PCBP3: variants seen among roughly 807,000 people sequenced by gnomAD.
PCBP3 encodes poly(rC) binding protein 3.
In PCBP3, 25 loss-of-function variants were observed where a neutral mutation model predicts 52.7. The observed-to-expected ratio is 0.47, with a 90% CI of 0.35 to 0.66. The LOEUF is 0.66. Ranked by LOEUF, PCBP3 falls within the 30% of genes least tolerant of loss-of-function variation. The probability of loss-of-function intolerance (pLI) is 0.01; values close to 1 mark genes in which losing one functional copy is unlikely to be tolerated. For synonymous variants in PCBP3, 162 were observed against 183.0 expected, an observed-to-expected ratio of 0.89 and a Z score of 0.93; for missense variants, 391 against 490.3, an observed-to-expected ratio of 0.80 and a Z score of 1.91.
rs114643436 is a variant in PCBP3 at position 45,849,963 on chromosome 21, C to T, written c.-123C>T. 3.2e-4 allele frequency: 290 copies of T among 903,140 alleles called. 1 individual carries two copies. In the African/African-American group the frequency reaches 4.1e-3, roughly 13 times the overall value. The allele number at this position is 903,140 out of a possible 1,614,324, so 55.9% of individuals were successfully genotyped here. ...AGCCCTGTGTTTTTGTGTTTTAGGT[C>T]GGTAGGCTCCACGACAAAAGTCAAC... On this transcript the variant is annotated splice_region_variant and 5_prime_UTR_variant, in exon 5 of 18. Coordinates refer to ENST00000681687, the MANE Select transcript of PCBP3 (RefSeq NM_001384156.1).
chr21:45,821,275 AG>A lies in PCBP3; in HGVS notation c.-125-28685del, dbSNP rs1323541343. 1.3e-5 allele frequency among the ~76,000 whole-genome samples: 2 copies of A among 151,738 alleles called. No homozygotes were observed. Among genetic ancestry groups the A allele is most frequent in the Non-Finnish European group, 2.9e-5 (2 of 67,962 alleles). On this transcript the variant is annotated intron_variant, in intron 4 of 17. Transcript: ENST00000681687. The surrounding 1 kb of genome is among the most constrained non-coding windows in gnomAD (Gnocchi z 4.4). ...GGGCTCCAAGACCCTCAGGGTCGCC[AG>A]TGACTCCTGGGTCACACTGGCCCAG...
At chr21:45,906,790 A>T (rs868795962) in intron 9 of PCBP3, among the ~76,000 whole-genome samples, 3 of 152,116 alleles carry the variant, frequency 2.0e-5, no homozygotes, top group Non-Finnish European at 2.9e-5. Context: ...TGCCTACTAA[A>T]TTTTCAGGGG....
chr21:45,851,658 T>C (rs2094011006), intron 5 of PCBP3, among the ~76,000 whole-genome samples: 1 of 152,166 alleles, frequency 6.6e-6, no homozygotes, highest in Non-Finnish European at 1.5e-5. Flanking sequence ...GAAATAACCA[T>C]AGATACAGCC....
intron 9 of PCBP3, among the ~76,000 whole-genome samples, chr21:45,902,867 C>T (rs1222182371): frequency 6.6e-6 from 1 of 152,244 alleles, no homozygotes; most frequent in African/African-American, 2.4e-5. Flanking sequence ...CCAGGGCAGG[C>T]GGTGTCCCGA....
chr21:45,931,785 A>AC (rs1295634639), intron 15 of PCBP3, among the ~76,000 whole-genome samples: 3 of 151,992 alleles, frequency 2.0e-5, no homozygotes, highest in African/African-American at 7.3e-5. Flanking sequence ...ATGAATGAAC[A>AC]CATCGGCCAT....
chr21:45,887,704 A>G (rs2095554665), intron 5 of PCBP3, among the ~76,000 whole-genome samples: 1 of 152,156 alleles, frequency 6.6e-6, no homozygotes, highest in African/African-American at 2.4e-5. Context: ...TTTGTGGGAG[A>G]AGAGATTTCT....
At chr21:45,865,862 C>G (rs1055736835) in intron 5 of PCBP3, among the ~76,000 whole-genome samples, 2 of 152,164 alleles carry the variant, frequency 1.3e-5, no homozygotes, top group Non-Finnish European at 2.9e-5. Flanking sequence ...AGGGTGTGCA[C>G]CCCCCACAGC....
chr21:45,784,633 G>C (rs569715548), intron 4 of PCBP3, among the ~76,000 whole-genome samples: 2 of 152,242 alleles, frequency 1.3e-5, no homozygotes, highest in Admixed American at 1.3e-4. Flanking sequence ...ACTGGTTTTC[G>C]TATTTTTTGG....
chr21:45,871,912 G>A (rs2839029), intron 5 of PCBP3: 98,770 of 152,196 alleles, frequency 0.65, 32,963 homozygotes, highest in East Asian at 0.84. Context: ...GATGTGGAAG[G>A]TCCCAGGCTT....
chr21:45,715,739 T>C (rs536441682), intron 2 of PCBP3, among the ~76,000 whole-genome samples: 1 of 152,330 alleles, frequency 6.6e-6, no homozygotes, highest in South Asian at 2.1e-4. Context: ...TGATGACTGA[T>C]GATGTTGGAA....
chr21:45,935,348 C>T, intron 16 of PCBP3, 43 bp downstream of exon 16: 1 of 1,474,224 alleles, frequency 6.8e-7, no homozygotes, highest in Non-Finnish European at 9.4e-7. Flanking sequence ...GGTAGAAACA[C>T]CAGGCACAAG....
intron 4 of PCBP3, among the ~76,000 whole-genome samples, chr21:45,810,614 A>G (rs2092659965): frequency 6.6e-6 from 1 of 152,008 alleles, no homozygotes; most frequent in Admixed American, 6.6e-5. Flanking sequence ...TTTTATAGCT[A>G]TGGTCATGAG....
At chr21:45,840,769 C>T (rs1322020441) in intron 4 of PCBP3, among the ~76,000 whole-genome samples, 2 of 152,172 alleles carry the variant, frequency 1.3e-5, no homozygotes, top group African/African-American at 4.8e-5. Flanking sequence ...CATGTGCCAC[C>T]ATGCCTGGCT....
At chr21:45,809,926 A>C (rs898588169) in intron 4 of PCBP3, among the ~76,000 whole-genome samples, 2 of 152,230 alleles carry the variant, frequency 1.3e-5, no homozygotes, top group Non-Finnish European at 2.9e-5. Flanking sequence ...TACTTGGCCA[A>C]GGGGTTTTGC....
chr21:45,935,673 G>T (rs1046822218), intron 16 of PCBP3, among the ~76,000 whole-genome samples: 13 of 152,348 alleles, frequency 8.5e-5, no homozygotes, highest in Admixed American at 7.2e-4. Context: ...GGACCCACCT[G>T]CAGTATTATC....
intron 2 of PCBP3, among the ~76,000 whole-genome samples, chr21:45,716,487 C>T (rs1456439117): frequency 6.6e-6 from 1 of 152,118 alleles, no homozygotes; most frequent in Non-Finnish European, 1.5e-5. Flanking sequence ...TTGGTTTCTT[C>T]TGGGGACTCT....
At chr21:45,781,978 A>G (rs1243348409) in intron 4 of PCBP3, among the ~76,000 whole-genome samples, 1 of 152,074 alleles carries the variant, frequency 6.6e-6, no homozygotes, top group Admixed American at 6.6e-5. Context: ...ACTCATCATA[A>G]CTCTCAAGAT....
intron 4 of PCBP3, among the ~76,000 whole-genome samples, chr21:45,806,708 G>A (rs1377949706): frequency 6.6e-6 from 1 of 151,888 alleles, no homozygotes; most frequent in Non-Finnish European, 1.5e-5. Context: ...GACCCCAAAG[G>A]GCCAGGGACC....
intron 5 of PCBP3, among the ~76,000 whole-genome samples, chr21:45,854,960 C>T (rs1348365076): frequency 6.6e-6 from 1 of 152,190 alleles, no homozygotes; most frequent in Non-Finnish European, 1.5e-5. Context: ...CAGGCTGAAA[C>T]CCAGAAGATG....
Sources: allele counts gnomAD v4.1 joint callset (sites outside exome capture counted in the v4.1 genomes callset), GRCh38; gene constraint gnomAD v4.1.1; non-coding constraint Gnocchi (gnomAD v3.1); transcripts MANE v1.5; gene names NCBI Gene and HGNC (gene_info 2026-07-23, HGNC 2026-07-21).